The following PLA2G2C variants were observed in gnomAD, a reference collection of about 807,000 sequenced individuals.
The protein encoded by PLA2G2C is phospholipase A2 group IIC.
A neutral mutation model predicts 14.3 loss-of-function variants in PLA2G2C; 15 were observed. The observed-to-expected ratio is 1.05, with a 90% CI of 0.70 to 1.62. The LOEUF (loss-of-function observed/expected upper bound fraction) is 1.62. Ranked by LOEUF, PLA2G2C falls within the 40% of genes most tolerant of loss-of-function variation. The probability of loss-of-function intolerance (pLI) is 0.00; values close to 1 mark genes in which losing one functional copy is unlikely to be tolerated. For missense variants in PLA2G2C, 162 were observed against 173.2 expected (o/e 0.94, Z 0.36); for synonymous variants, 79 against 67.7 (o/e 1.17, Z -0.82).
chr1:20,174,336 C>T (rs766491664), intron 3 of PLA2G2C, among the ~76,000 whole-genome samples: 4 of 152,184 alleles, frequency 2.6e-5, no homozygotes, highest in Non-Finnish European at 4.4e-5. Flanking sequence ...CCTCCCCACA[C>T]GTACATTCAC....
Position 20,179,212 on chromosome 1 carries a change from C to G in PLA2G2C, c.-76-1773G>C, listed in dbSNP as rs74539518. On this transcript the variant is annotated intron_variant, in intron 1 of 4. Coordinates refer to ENST00000679259, the MANE Select transcript of PLA2G2C (RefSeq NM_001367969.2). ...CAACTTCCCCTCTATGTCAGTTTCT[C>G]TGTGTGTGTGTGTGTGTGTGTGTGT... Among the ~76,000 whole-genome samples, 1,485 of 149,856 alleles carry G rather than the reference C, an allele frequency of 9.9e-3. 24 individuals are homozygous for G. Among genetic ancestry groups the G allele is most frequent in the African/African-American group, 0.031 (1,259 of 40,990 alleles).
chr1:20,177,949 C>G (rs1326822795), intron 1 of PLA2G2C, among the ~76,000 whole-genome samples: 2 of 152,180 alleles, frequency 1.3e-5, no homozygotes, highest in African/African-American at 2.4e-5. Flanking sequence ...AAGGGCTTCA[C>G]AGGTATTACA....
intron 1 of PLA2G2C, among the ~76,000 whole-genome samples, chr1:20,182,846 A>T (rs910581610): frequency 1.2e-4 from 18 of 152,318 alleles, no homozygotes; most frequent in African/African-American, 4.1e-4. Context: ...CTCTGTGGGG[A>T]CAAGCCGCTA....
At chr1:20,164,740 C>T (rs1320919094) in intron 4 of PLA2G2C, among the ~76,000 whole-genome samples, 2 of 152,244 alleles carry the variant, frequency 1.3e-5, no homozygotes, top group African/African-American at 2.4e-5. Context: ...CCTGTGAGCC[C>T]GTGATTCACC....
At chr1:20,170,386 T>C (rs940945598) in intron 4 of PLA2G2C, among the ~76,000 whole-genome samples, 3 of 152,152 alleles carry the variant, frequency 2.0e-5, no homozygotes, top group African/African-American at 7.2e-5. Context: ...ATCTGGATAA[T>C]CTCTAAGGGC....
At chr1:20,184,477 T>A (rs1337575576) in intron 1 of PLA2G2C, 1 of 152,116 alleles carries the variant, frequency 6.6e-6, no homozygotes, top group Non-Finnish European at 1.5e-5. Context: ...ATGACCAGAG[T>A]GTGTGAGGGG....
chr1:20,173,370 C>T (rs2018123588), intron 3 of PLA2G2C, among the ~76,000 whole-genome samples: 1 of 152,074 alleles, frequency 6.6e-6, no homozygotes, highest in Non-Finnish European at 1.5e-5. Context: ...ATTTCCTGAG[C>T]CCTCTCTAGT....
At chr1:20,167,862 T>G (rs1405571045) in intron 4 of PLA2G2C, among the ~76,000 whole-genome samples, 2 of 152,212 alleles carry the variant, frequency 1.3e-5, no homozygotes, top group African/African-American at 2.4e-5. Context: ...GCAGGCACCC[T>G]TCTGTCTCCT....
In PLA2G2C at chr1:20,171,053, C is replaced by T. The variant is rs1451881709; in HGVS notation, c.283+1741G>A. Among the ~76,000 whole-genome samples the T allele has an allele frequency of 4.2e-5, 6 of 141,662 alleles. 1 individual carries two copies. In the South Asian group the frequency reaches 7.9e-4, roughly 19 times the overall value. 92.9% of individuals were successfully genotyped at this position (141,662 alleles called of 152,430 possible). On this transcript the variant is annotated intron_variant, in intron 4 of 4. Transcript: ENST00000679259. ...TGCAGAGAGCCTAGGCCAGCCCTGG[C>T]GAGTGCAGCCAGCCCACAGGAGCCC...
chr1:20,177,836 T>C (rs1383021982), intron 1 of PLA2G2C, among the ~76,000 whole-genome samples: 2 of 152,218 alleles, frequency 1.3e-5, no homozygotes, highest in African/African-American at 2.4e-5. Context: ...CCTTCCTTGA[T>C]ACCCAGGCAT....
intron 1 of PLA2G2C, chr1:20,186,084 C>T (rs762415596): frequency 1.3e-5 from 2 of 151,634 alleles, no homozygotes; most frequent in Non-Finnish European, 2.9e-5. Flanking sequence ...CGGCGTTGCC[C>T]GGGAGACCAG....
chr1:20,180,948 G>A (rs1363991622), intron 1 of PLA2G2C, among the ~76,000 whole-genome samples: 1 of 152,234 alleles, frequency 6.6e-6, no homozygotes, highest in African/African-American at 2.4e-5. Flanking sequence ...GAGAAAATAA[G>A]ATGGATGGAG....
chr1:20,169,948 T>C (rs1217600895), intron 4 of PLA2G2C, among the ~76,000 whole-genome samples: 1 of 152,184 alleles, frequency 6.6e-6, no homozygotes, highest in Non-Finnish European at 1.5e-5. Context: ...AGACTTACAC[T>C]GTGTGAGGGC....
At chr1:20,185,977 C>G (rs1001717750) in intron 1 of PLA2G2C, 2 of 152,318 alleles carry the variant, frequency 1.3e-5, no homozygotes, top group Non-Finnish European at 2.9e-5. Flanking sequence ...TCACGGCCTC[C>G]GCCCTCCTGG....
intron 4 of PLA2G2C, among the ~76,000 whole-genome samples, chr1:20,166,631 G>A (rs560846927): frequency 4.6e-5 from 7 of 152,304 alleles, no homozygotes; most frequent in Admixed American, 2.6e-4. Context: ...CTCTCTTTCT[G>A]TTGGTCTCAC....
chr1:20,166,727 C>A (rs1445171086), intron 4 of PLA2G2C, among the ~76,000 whole-genome samples: 1 of 152,204 alleles, frequency 6.6e-6, no homozygotes, highest in Non-Finnish European at 1.5e-5. Context: ...CTCCCTGCCC[C>A]CTCTCCCTTT....
intron 1 of PLA2G2C, among the ~76,000 whole-genome samples, chr1:20,180,765 C>T (rs1204124410): frequency 6.6e-6 from 1 of 152,238 alleles, no homozygotes; most frequent in Admixed American, 6.5e-5. Flanking sequence ...GGGCCCGAGG[C>T]TTGATGAGGG....
intron 1 of PLA2G2C, among the ~76,000 whole-genome samples, chr1:20,179,735 A>AGTGTGTGTGTGT (rs3035013): frequency 9.0e-6 from 1 of 111,472 alleles, no homozygotes; most frequent in African/African-American, 3.4e-5. Context: ...CCTCTATGTC[A>AGTGTGTGTGTGT]GTGTGTGTGT....
chr1:20,168,765 A>G (rs1367753962), intron 4 of PLA2G2C, among the ~76,000 whole-genome samples: 6 of 152,184 alleles, frequency 3.9e-5, no homozygotes, highest in Non-Finnish European at 7.3e-5. Flanking sequence ...TGTACCACAC[A>G]TGTATGTGCA....
Sources: gnomAD v4.1 joint callset for allele counts (sites outside exome capture counted in the v4.1 genomes callset) on GRCh38, gnomAD v4.1.1 for gene constraint, MANE v1.5 for transcripts, NCBI Gene and HGNC (gene_info 2026-07-23, HGNC 2026-07-21) for gene names.